The following BARHL1 variants were observed in gnomAD, a reference collection of about 807,000 sequenced individuals.
BARHL1 encodes BarH like homeobox 1, also known as barH-like 1 homeobox protein.
BARHL1 carries 2 observed loss-of-function variants against 20.1 expected under a neutral mutation model. That is an observed-to-expected ratio of 0.10 (90% confidence interval 0.04 to 0.31). The LOEUF (loss-of-function observed/expected upper bound fraction) is 0.31. BARHL1 is among the 10% of genes least tolerant of loss of function. The probability of loss-of-function intolerance (pLI) is 1.00; values close to 1 mark genes in which losing one functional copy is unlikely to be tolerated. For missense variants in BARHL1, 397 were observed against 454.0 expected (o/e 0.87, Z 1.14); for synonymous variants, 213 against 209.9 (o/e 1.01, Z -0.13).
In BARHL1 at chr9:132,589,210, G is replaced by A; in HGVS notation, c.690-18G>A. 2 of 1,601,142 alleles carry A rather than the reference G, an allele frequency of 1.2e-6. No individual in the cohort carries two copies. The highest frequency in any genetic ancestry group is 8.5e-7 in the Non-Finnish European group (1 of 1,174,068). On this transcript the variant is annotated intron_variant, in intron 2 of 2. Transcript: ENST00000263610. ...CCCTAGCCCTGATCCCGCCATACGCGTTTATTTCGGCCCCCAGGACTAAAT... is the reference window on the plus strand; with the variant it reads ...CCCTAGCCCTGATCCCGCCATACGCATTTATTTCGGCCCCCAGGACTAAAT...
rs1007790830 is a variant in BARHL1, at chr9:132,587,611, T to C, written c.689+60T>C. ...GAACTTCCCCTTTCCTCACAGCTCC[T>C]GGAGGGGACCAGGAGTCTACAGGTT... is the stretch of plus-strand genomic sequence containing the variant. On this transcript the variant is annotated intron_variant, in intron 2 of 2. Transcript: ENST00000263610. This position sits in a 1 kb window ranked among gnomAD's most constrained non-coding sequence, Gnocchi z 5.5. 12 of 1,476,912 alleles carry C rather than the reference T, an allele frequency of 8.1e-6. No individual in the cohort carries two copies. The African/African-American group carries it at 1.3e-4, about 15-fold the overall frequency. The allele number at this position is 1,476,912 out of a possible 1,614,324, so 91.5% of individuals were successfully genotyped here.
At chr9:132,586,898 C>T (rs544084890) in intron 1 of BARHL1, among the ~76,000 whole-genome samples, 5 of 152,378 alleles carry the variant, frequency 3.3e-5, no homozygotes, top group African/African-American at 1.2e-4. Context: ...CCCTTCCTGT[C>T]ACGGACGCAG....
intron 2 of BARHL1, among the ~76,000 whole-genome samples, chr9:132,588,574 C>T (rs939464161): frequency 6.6e-6 from 1 of 152,118 alleles, no homozygotes; most frequent in African/African-American, 2.4e-5. Context: ...CTCCAAACCC[C>T]AGGCCGTTGG....
In BARHL1 at chr9:132,583,079, C is replaced by T. The variant is rs1189312489; in HGVS notation, c.282C>T (p.Ser94=). 1.9e-6 allele frequency: 3 copies of T among 1,613,924 alleles called. No individual in the cohort carries two copies. The highest frequency in any genetic ancestry group is 2.5e-6 in the Non-Finnish European group (3 of 1,179,962). Residue 94 remains serine, a synonymous_variant, in exon 1 of 3, where the codon TCC becomes TCT. Transcript: ENST00000263610. ...CGGCCCAGTCGCGCACCGTCACCTCCTCCTTTCTGATCAGGGACATCCTTG... is the reference window on the plus strand; with the variant it reads ...CGGCCCAGTCGCGCACCGTCACCTCTTCCTTTCTGATCAGGGACATCCTTG... ...SAPAQSRTVT[S]SFLIRDILAD... is the part of the protein sequence containing the mutation.
chr9:132,587,498 C>T lies in BARHL1; in HGVS notation c.636C>T (p.Ala212=), dbSNP rs115324433. Residue 212 remains alanine, a synonymous_variant, in exon 2 of 3, where the codon GCC becomes GCT. Transcript: ENST00000263610. This position sits in a 1 kb window ranked among gnomAD's most constrained non-coding sequence, Gnocchi z 5.5. ...YLSVQDRMEL[A]ASLNLTDTQV... The stretch of plus-strand genomic sequence containing the variant: ...GCGTGCAGGACCGCATGGAGCTCGC[C>T]GCCTCGCTCAACCTCACCGACACGC... 1.9e-4 allele frequency: 305 copies of T among 1,612,662 alleles called. 3 individuals carry two copies. The African/African-American group carries it at 3.6e-3, about 19-fold the overall frequency.
At position 132,587,204 on chromosome 9, in the gene BARHL1, G is replaced by T. The variant is rs550044082; in HGVS notation, c.467-125G>T. 2 of 941,222 alleles carry T rather than the reference G, an allele frequency of 2.1e-6. No individual in the cohort carries two copies. The highest frequency in any genetic ancestry group is 1.6e-6 in the Non-Finnish European group (1 of 628,874). The allele number at this position is 941,222 out of a possible 1,614,324, so 58.3% of individuals were successfully genotyped here. A position where few individuals can be genotyped will look rare whatever the true frequency, so the allele number is the denominator to read the frequency against. On this transcript the variant is annotated intron_variant, in intron 1 of 2. Coordinates refer to ENST00000263610, the MANE Select transcript of BARHL1 (RefSeq NM_020064.4). The surrounding 1 kb of genome is among the most constrained non-coding windows in gnomAD (Gnocchi z 5.5). ...GAGGTCCCGTCTGAGAGCGGCCCCC[G>T]CGAGCTTGGGTGTCGCGGAACCACC...
At chr9:132,584,985 G>A (rs1030052157) in intron 1 of BARHL1, among the ~76,000 whole-genome samples, 1 of 152,206 alleles carries the variant, frequency 6.6e-6, no homozygotes, top group African/African-American at 2.4e-5. Context: ...ATCTTCCACC[G>A]CCCATGCTAA....
At chr9:132,588,085 G>T (rs578066207) in intron 2 of BARHL1, among the ~76,000 whole-genome samples, 1 of 152,322 alleles carries the variant, frequency 6.6e-6, no homozygotes, top group East Asian at 1.9e-4. Flanking sequence ...GGGGGAACTG[G>T]CCAAGCCCTT....
At chr9:132,589,166 G>A (rs2119136583) in intron 2 of BARHL1, 62 bp from the exon 3 acceptor site, 2 of 1,538,774 alleles carry the variant, frequency 1.3e-6, no homozygotes, top group African/African-American at 1.4e-5. Flanking sequence ...CAGTGGGGAG[G>A]GGCTGGGGTC....
In BARHL1 at chr9:132,589,615, G is replaced by A. The variant is rs1342721783; in HGVS notation, c.*93G>A. ...GGCGCAGGTTCGACGCCCTTTCCCG[G>A]GAGGGGGCCCTGCCCGGCCCTCCCT... On this transcript the variant is annotated 3_prime_UTR_variant, in exon 3 of 3. Transcript: ENST00000263610. 23 of 1,231,576 alleles carry A rather than the reference G, an allele frequency of 1.9e-5. No homozygotes were observed. Among genetic ancestry groups the A allele is most frequent in the Non-Finnish European group, 2.2e-5 (22 of 990,886 alleles). The allele number at this position is 1,231,576 out of a possible 1,614,324, so 76.3% of individuals were successfully genotyped here.
In BARHL1 at chr9:132,582,753, G is replaced by A. The variant is rs374375190; in HGVS notation, c.-45G>A. On this transcript the variant is annotated 5_prime_UTR_variant, in exon 1 of 3. Transcript: ENST00000263610. Reference sequence around the variant, plus strand: ...GCAGGGGCAGCGGCGGCTGGGGTTGGGGGTGGGTGGGGAGCTTTTGGGGAG... The same window carrying A: ...GCAGGGGCAGCGGCGGCTGGGGTTGAGGGTGGGTGGGGAGCTTTTGGGGAG... 9.3e-6 allele frequency: 14 copies of A among 1,508,518 alleles called. No homozygotes were observed. The African/African-American group carries it at 1.9e-4, about 21-fold the overall frequency. The allele number at this position is 1,508,518 out of a possible 1,614,324, so 93.4% of individuals were successfully genotyped here. A position where few individuals can be genotyped will look rare whatever the true frequency, so the allele number is the denominator to read the frequency against.
chr9:132,589,541 G>C lies in BARHL1; in HGVS notation c.*19G>C. On this transcript the variant is annotated 3_prime_UTR_variant, in exon 3 of 3. Coordinates refer to ENST00000263610, the MANE Select transcript of BARHL1 (RefSeq NM_020064.4). ...TCGGTGAGGCGCCCGTCGGCTCCGG[G>C]GCCTCCTCCCGCGGGCTCGGCGTGG... The C allele has an allele frequency of 2.3e-6, 3 of 1,282,854 alleles. No individual in the cohort carries two copies. The highest frequency in any genetic ancestry group is 2.9e-6 in the Non-Finnish European group (3 of 1,018,936). The allele number at this position is 1,282,854 out of a possible 1,614,324, so 79.5% of individuals were successfully genotyped here. A position where few individuals can be genotyped will look rare whatever the true frequency, so the allele number is the denominator to read the frequency against.
chr9:132,589,519 GT>G lies in BARHL1; in HGVS notation c.982del (p.Ter328GlufsTer172). 3.0e-6 allele frequency: 4 copies of G among 1,324,992 alleles called. No individual in the cohort carries two copies. Among genetic ancestry groups the G allele is most frequent in the Non-Finnish European group, 3.8e-6 (4 of 1,041,298 alleles). The allele number at this position is 1,324,992 out of a possible 1,614,324, so 82.1% of individuals were successfully genotyped here. ...GVLPRAAQPR[*>X] Reference sequence around the variant, plus strand: ...TCCTCCCACGCGCCGCGCAGCCTCGGTGAGGCGCCCGTCGGCTCCGGGGCCT... The same window carrying G: ...TCCTCCCACGCGCCGCGCAGCCTCGGGAGGCGCCCGTCGGCTCCGGGGCCT... On this transcript the variant is annotated frameshift_variant and stop_lost, in exon 3 of 3. Transcript: ENST00000263610. LOFTEE classifies it high-confidence loss of function.
chr9:132,587,283 G>A lies in BARHL1; in HGVS notation c.467-46G>A, dbSNP rs1484595265. 15 of 1,519,656 alleles carry A rather than the reference G, an allele frequency of 9.9e-6. No individual in the cohort carries two copies. Among genetic ancestry groups the A allele is most frequent in the Non-Finnish European group, 1.2e-5 (13 of 1,123,912 alleles). 94.1% of individuals were successfully genotyped at this position (1,519,656 alleles called of 1,614,324 possible). ...CCACGGGCAGGAGCGGGAGGGCACCGGCGGCGGCTGCGAGGCCGGGCCCTG... is the reference window on the plus strand; with the variant it reads ...CCACGGGCAGGAGCGGGAGGGCACCAGCGGCGGCTGCGAGGCCGGGCCCTG... On this transcript the variant is annotated intron_variant, in intron 1 of 2. Transcript: ENST00000263610. This position sits in a 1 kb window ranked among gnomAD's most constrained non-coding sequence, Gnocchi z 5.5.
At position 132,589,270 on chromosome 9, in the gene BARHL1, G is replaced by A. The variant is rs750641828; in HGVS notation, c.732G>A (p.Leu244=). 6.2e-7 allele frequency: 1 copy of A among 1,612,872 alleles called. No homozygotes were observed. The highest frequency in any genetic ancestry group is 1.7e-5 in the Admixed American group (1 of 59,916). Residue 244 remains leucine (L), a synonymous_variant, in exon 3 of 3, where the codon CTG becomes CTA. Coordinates refer to ENST00000263610, the MANE Select transcript of BARHL1 (RefSeq NM_020064.4). ...AGACGGCCGTCGGGTTGGAGCTGCT[G>A]GCGGAGGCAGGCAATTACTCAGCGC... The part of the protein sequence containing the change: ...KRQTAVGLEL[L]AEAGNYSALQ...
rs1301566442 is a variant in BARHL1, at chr9:132,587,806, G to A, written c.689+255G>A. 6.6e-6 allele frequency among the ~76,000 whole-genome samples: 1 copy of A among 152,206 alleles called. No homozygotes were observed. The highest frequency in any genetic ancestry group is 2.1e-4 in the South Asian group (1 of 4,826). ...CCCCGGATGGGTGGACAGACACATA[G>A]GCCACTGAAAATCCAAGTCCTGCCC... On this transcript the variant is annotated intron_variant, in intron 2 of 2. Transcript: ENST00000263610. This position sits in a 1 kb window ranked among gnomAD's most constrained non-coding sequence, Gnocchi z 5.5.
chr9:132,584,129 G>T (rs901537997), intron 1 of BARHL1, among the ~76,000 whole-genome samples: 42 of 122,968 alleles, frequency 3.4e-4, no homozygotes, highest in African/African-American at 1.4e-3. Flanking sequence ...GGAGAAGGAA[G>T]GAAGGAAGGA....
rs1403711913 is a variant in BARHL1, at chr9:132,589,775, GGGTGTAC to G, written c.*254_*260del. The G allele has an allele frequency of 2.3e-5, 9 of 383,628 alleles. No homozygotes were observed. The highest frequency in any genetic ancestry group is 3.0e-5 in the Non-Finnish European group (7 of 230,174). 23.8% of individuals were successfully genotyped at this position (383,628 alleles called of 1,614,324 possible). A position where few individuals can be genotyped will look rare whatever the true frequency, so the allele number is the denominator to read the frequency against. On this transcript the variant is annotated 3_prime_UTR_variant, in exon 3 of 3. Coordinates refer to ENST00000263610, the MANE Select transcript of BARHL1 (RefSeq NM_020064.4). ...TGTCCGGGAGCCATCCCCACCCGCC[GGGTGTAC>G]ATACGCGTCTCTGCCACTCCCCACC...
chr9:132,587,304 C>A lies in BARHL1; in HGVS notation c.467-25C>A, dbSNP rs750146117. On this transcript the variant is annotated intron_variant, in intron 1 of 2. Transcript: ENST00000263610. This position sits in a 1 kb window ranked among gnomAD's most constrained non-coding sequence, Gnocchi z 5.5. The stretch of plus-strand genomic sequence containing the variant: ...CACCGGCGGCGGCTGCGAGGCCGGG[C>A]CCTGACATGCCGCTGTGTCCGCAGT... 192 of 1,571,020 alleles carry A rather than the reference C, an allele frequency of 1.2e-4. No individual in the cohort carries two copies. The highest frequency in any genetic ancestry group is 1.5e-4 in the Non-Finnish European group (178 of 1,160,294).
Sources: allele counts gnomAD v4.1 joint callset (sites outside exome capture counted in the v4.1 genomes callset), GRCh38; gene constraint gnomAD v4.1.1; non-coding constraint Gnocchi (gnomAD v3.1); transcripts MANE v1.5; gene names NCBI Gene and HGNC (gene_info 2026-07-23, HGNC 2026-07-21).